Variants in CHIC2 observed in about 807,000 individuals in gnomAD.
CHIC2 encodes cysteine rich hydrophobic domain 2, also known as cysteine-rich hydrophobic domain-containing protein 2.
A neutral mutation model predicts 25.9 loss-of-function variants in CHIC2; 14 were observed. The observed-to-expected ratio is 0.54, with a 90% confidence interval of 0.36 to 0.85. CHIC2 has a LOEUF of 0.85. Ranked by LOEUF, CHIC2 falls within the 40% of genes least tolerant of loss-of-function variation. CHIC2 has a pLI of 0.01. For missense variants in CHIC2, 146 were observed against 202.0 expected (o/e 0.72, Z 1.68); for synonymous variants, 70 against 72.0 (o/e 0.97, Z 0.14).
chr4:54,027,483 G>A (rs1716097098), intron 3 of CHIC2, among the ~76,000 whole-genome samples: 3 of 152,116 alleles, frequency 2.0e-5, no homozygotes, highest in Non-Finnish European at 4.4e-5. Context: ...TAAGTTTCAA[G>A]GCCAAAGCAT....
At chr4:54,037,284 G>A (rs1002573843) in intron 3 of CHIC2, among the ~76,000 whole-genome samples, 1 of 151,970 alleles carries the variant, frequency 6.6e-6, no homozygotes, top group East Asian at 1.9e-4. Context: ...GGGAAGTCTG[G>A]GAAGGCTGTA....
intron 3 of CHIC2, among the ~76,000 whole-genome samples, chr4:54,022,417 C>T (rs1241738407): frequency 6.6e-6 from 1 of 152,128 alleles, no homozygotes; most frequent in Admixed American, 6.5e-5. Context: ...TTTTCAACGA[C>T]CTGTTTCCCT....
chr4:54,058,596 A>ACACACACACACAC (rs1717246625), intron 1 of CHIC2, among the ~76,000 whole-genome samples: 1 of 145,482 alleles, frequency 6.9e-6, no homozygotes, highest in African/African-American at 2.6e-5. Context: ...ACACACACAC[A>ACACACACACACAC]ATCTTACACA....
chr4:54,055,422 C>T (rs1331807450), intron 1 of CHIC2, among the ~76,000 whole-genome samples: 1 of 152,144 alleles, frequency 6.6e-6, no homozygotes, highest in African/African-American at 2.4e-5. Context: ...ATCAAGAATA[C>T]ATCAAAAAGT....
At chr4:54,081,130 A>T in the CHIC2 span, among the ~76,000 whole-genome samples, 1 of 151,578 alleles carries the variant, frequency 6.6e-6, no homozygotes, top group Admixed American at 6.6e-5. Context: ...ATAAATTAAG[A>T]CCTTGGGCAA....
chr4:54,040,538 TA>T (rs1277926414), intron 3 of CHIC2, among the ~76,000 whole-genome samples: 5 of 151,808 alleles, frequency 3.3e-5, no homozygotes, highest in Admixed American at 6.6e-5. Context: ...CCGTCTCTAC[TA>T]AAAATACAAA....
At chr4:54,078,217 A>G in the CHIC2 span, among the ~76,000 whole-genome samples, 1 of 152,310 alleles carries the variant, frequency 6.6e-6, no homozygotes, top group South Asian at 2.1e-4. Flanking sequence ...TTTCATTTTT[A>G]TAAATGCCAC....
chr4:54,031,304 T>C (rs1716221383), intron 3 of CHIC2, among the ~76,000 whole-genome samples: 1 of 152,052 alleles, frequency 6.6e-6, no homozygotes. Flanking sequence ...GAGCTCCTAT[T>C]ACTTATTCTA....
intron 3 of CHIC2, among the ~76,000 whole-genome samples, chr4:54,015,620 G>A (rs1013537549): frequency 1.3e-5 from 2 of 152,078 alleles, no homozygotes; most frequent in Non-Finnish European, 2.9e-5. Flanking sequence ...TAGGGAAATC[G>A]ATTTGATTCT....
chr4:54,020,874 G>A (rs1343088871), intron 3 of CHIC2, among the ~76,000 whole-genome samples: 2 of 151,980 alleles, frequency 1.3e-5, no homozygotes, highest in East Asian at 1.9e-4. Context: ...ACAATTCACT[G>A]GTGTCTGATC....
chr4:54,090,055 A>G, the CHIC2 span, among the ~76,000 whole-genome samples: 4 of 152,206 alleles, frequency 2.6e-5, no homozygotes, highest in Admixed American at 1.3e-4. Context: ...CTCTTCCAAG[A>G]TATCTCATTA....
chr4:54,039,758 T>C (rs1163442368), intron 3 of CHIC2, among the ~76,000 whole-genome samples: 2 of 152,230 alleles, frequency 1.3e-5, no homozygotes, highest in African/African-American at 4.8e-5. Flanking sequence ...TGAATGTTTA[T>C]GGCAAGCTTT....
chr4:54,031,228 G>A (rs1716218944), intron 3 of CHIC2, among the ~76,000 whole-genome samples: 2 of 151,120 alleles, frequency 1.3e-5, no homozygotes, highest in African/African-American at 4.9e-5. Context: ...CTCTCTCAAG[G>A]TCACCCAGCT....
At chr4:54,071,691 G>T in the CHIC2 span, among the ~76,000 whole-genome samples, 1 of 152,192 alleles carries the variant, frequency 6.6e-6, no homozygotes, top group African/African-American at 2.4e-5. Flanking sequence ...AATATTAAAT[G>T]GGGTCAAGCA....
the CHIC2 span, among the ~76,000 whole-genome samples, chr4:54,074,597 A>AACACACAC: frequency 0.016 from 2,213 of 139,680 alleles, 37 homozygotes; most frequent in African/African-American, 0.053. Context: ...ACAACACACA[A>AACACACAC]ACACACACAC....
At chr4:54,034,612 GT>G (rs1396299469) in intron 3 of CHIC2, among the ~76,000 whole-genome samples, 1 of 151,704 alleles carries the variant, frequency 6.6e-6, no homozygotes, top group Non-Finnish European at 1.5e-5. Context: ...TGTTGATAGG[GT>G]ATAGCTTTGC....
In CHIC2 at chr4:54,064,373, C is replaced by T; in HGVS notation, c.-73G>A. 1 of 1,585,400 alleles carries T rather than the reference C, an allele frequency of 6.3e-7. No homozygotes were observed. Among genetic ancestry groups the T allele is most frequent in the Non-Finnish European group, 8.6e-7 (1 of 1,166,884 alleles). ...GGCGCCGGGGTACCGGCGGGCGAGG[C>T]GGCGGAGGCTGAGGGGAGTCGCCGC... On this transcript the variant is annotated 5_prime_UTR_variant, in exon 1 of 6. Coordinates refer to ENST00000263921, the MANE Select transcript of CHIC2 (RefSeq NM_012110.4). This position sits in a 1 kb window ranked among gnomAD's most constrained non-coding sequence, Gnocchi z 4.2.
the CHIC2 span, among the ~76,000 whole-genome samples, chr4:54,077,740 C>T: frequency 6.6e-6 from 1 of 152,208 alleles, no homozygotes; most frequent in African/African-American, 2.4e-5. Context: ...CCCACTCTGC[C>T]AGTGGTTCTG....
intron 1 of CHIC2, among the ~76,000 whole-genome samples, chr4:54,055,090 G>A (rs1717132561): frequency 6.6e-6 from 1 of 152,056 alleles, no homozygotes. Flanking sequence ...GGTTGTATAA[G>A]AGGAGAGGCA....
Sources: allele counts gnomAD v4.1 joint callset (sites outside exome capture counted in the v4.1 genomes callset), GRCh38; gene constraint gnomAD v4.1.1; non-coding constraint Gnocchi (gnomAD v3.1); transcripts MANE v1.5; gene names NCBI Gene and HGNC (gene_info 2026-07-23, HGNC 2026-07-21).